The following ADAMTS14 variants were observed in gnomAD, a reference collection of about 807,000 sequenced individuals.
ADAMTS14 encodes A disintegrin and metalloproteinase with thrombospondin motifs 14.
A neutral mutation model predicts 128.6 loss-of-function variants in ADAMTS14; 100 were observed. That is an observed-to-expected ratio of 0.78 (90% CI 0.66 to 0.92). ADAMTS14 has a LOEUF of 0.92. Ranked by LOEUF, ADAMTS14 falls within the 40% of genes least tolerant of loss-of-function variation. ADAMTS14 has a pLI of 0.00. For synonymous variants in ADAMTS14, 665 were observed against 653.8 expected (o/e 1.02, Z -0.26); for missense variants, 1,562 against 1,658.6 (o/e 0.94, Z 1.01).
chr10:70,748,647 A>T (rs1222150088), intron 15 of ADAMTS14, among the ~76,000 whole-genome samples: 2 of 152,180 alleles, frequency 1.3e-5, no homozygotes, highest in African/African-American at 4.8e-5. Flanking sequence ...CCAATTCCCC[A>T]TCTGTATTAA....
chr10:70,724,564 A>G (rs1210350929), intron 4 of ADAMTS14, among the ~76,000 whole-genome samples: 1 of 152,200 alleles, frequency 6.6e-6, no homozygotes, highest in Non-Finnish European at 1.5e-5. Context: ...GGTCCTGGCC[A>G]TGGTGCCATG....
chr10:70,731,551 GC>G (rs1333189137), intron 6 of ADAMTS14, among the ~76,000 whole-genome samples: 1 of 152,226 alleles, frequency 6.6e-6, no homozygotes, highest in Non-Finnish European at 1.5e-5. Context: ...GCTGGTGCCG[GC>G]CCCCCTGCAC....
At chr10:70,708,547 C>T (rs1292013806) in intron 3 of ADAMTS14, 41 bp from the exon 4 acceptor site, 17 of 1,554,258 alleles carry the variant, frequency 1.1e-5, no homozygotes, top group South Asian at 7.1e-5. Context: ...GACAGCCCCT[C>T]CTGTGGGTTG....
At chr10:70,746,149 A>G (rs914829295) in intron 15 of ADAMTS14, among the ~76,000 whole-genome samples, 4 of 152,176 alleles carry the variant, frequency 2.6e-5, no homozygotes, top group Admixed American at 2.0e-4. Flanking sequence ...AGGCCCTTAC[A>G]TTATTCTCAT....
Position 70,758,257 on chromosome 10 carries a change from C to T in ADAMTS14, c.3150C>T (p.Pro1050=). 1 of 1,614,218 alleles carries T rather than the reference C, an allele frequency of 6.2e-7. No homozygotes were observed. The highest frequency in any genetic ancestry group is 2.2e-5 in the East Asian group (1 of 44,882). Residue 1050 remains proline, a synonymous_variant, in exon 21 of 22, where the codon CCC becomes CCT. Transcript: ENST00000373207. The stretch of plus-strand genomic sequence containing the variant: ...GGCAGTGGGTGCCACAATCTGAACC[C>T]CTACATCCCATTAACAAGATATCAT... ...PEGQWVPQSE[P]LHPINKISST...
intron 4 of ADAMTS14, among the ~76,000 whole-genome samples, chr10:70,715,319 C>T (rs1219701504): frequency 1.3e-5 from 2 of 152,130 alleles, no homozygotes; most frequent in Admixed American, 1.3e-4. Flanking sequence ...GAACAGGACC[C>T]CAGGAGAGGG....
chr10:70,708,239 G>A (rs1051339447), intron 3 of ADAMTS14, among the ~76,000 whole-genome samples: 1 of 152,084 alleles, frequency 6.6e-6, no homozygotes, highest in Admixed American at 6.6e-5. Flanking sequence ...ATAAAGGGTG[G>A]TTCATCTTCA....
intron 3 of ADAMTS14, among the ~76,000 whole-genome samples, chr10:70,703,113 C>T (rs1840546320): frequency 6.6e-6 from 1 of 152,206 alleles, no homozygotes; most frequent in African/African-American, 2.4e-5. Flanking sequence ...GCTCTCCTTA[C>T]AGTATTATTA....
rs1842350118 is a variant in ADAMTS14 at position 70,751,522 on chromosome 10, C to T, written c.2472C>T (p.Tyr824=). 6.2e-7 allele frequency: 1 copy of T among 1,613,034 alleles called. No individual in the cohort carries two copies. Among genetic ancestry groups the T allele is most frequent in the Non-Finnish European group, 8.5e-7 (1 of 1,179,096 alleles). ...TEGGPRSSLA[Y]KYVIHEDLLP... ...GTGGCCCCCGCAGCAGCCTGGCCTA[C>T]AAGTACGTCATCCATGAGGACCTGC... is the stretch of plus-strand genomic sequence containing the variant. The change falls in exon 17 of 22, where the codon TAC becomes TAT. Residue 824 remains tyrosine (Y), a synonymous_variant. Transcript: ENST00000373207.
rs1030815849 is a variant in ADAMTS14, at chr10:70,758,019, G to A, written c.2995G>A (p.Ala999Thr). Residue 999 changes from alanine to threonine, a missense_variant, in exon 20 of 22, where the codon GCC becomes ACC. Transcript: ENST00000373207. ...QQRQVVCRTN[A>T]NSLGHCEGDR... is the part of the protein sequence containing the mutation. ...GCGGCAGGTGGTGTGCAGGACCAACGCCAACAGCCTCGGGCATTGCGAGGG... is the reference window on the plus strand; with the variant it reads ...GCGGCAGGTGGTGTGCAGGACCAACACCAACAGCCTCGGGCATTGCGAGGG... 12 of 1,613,530 alleles carry A rather than the reference G, an allele frequency of 7.4e-6. No individual in the cohort carries two copies. Among genetic ancestry groups the A allele is most frequent in the African/African-American group, 1.3e-5 (1 of 75,050 alleles).
Position 70,672,771 on chromosome 10 carries a change from C to T in ADAMTS14, c.-32C>T, listed in dbSNP as rs1324999112. ...CTCAGCCTGGGACTTGGGGATCGGGCGCTTGCCCAGCCCGCGTCCCAGCGC... is the reference window on the plus strand; with the variant it reads ...CTCAGCCTGGGACTTGGGGATCGGGTGCTTGCCCAGCCCGCGTCCCAGCGC... On this transcript the variant is annotated 5_prime_UTR_variant, in exon 1 of 22. Transcript: ENST00000373207. The T allele has an allele frequency of 2.0e-6, 3 of 1,490,624 alleles. No homozygotes were observed. The highest frequency in any genetic ancestry group is 2.9e-5 in the East Asian group (1 of 34,580). 92.3% of individuals were successfully genotyped at this position (1,490,624 alleles called of 1,614,324 possible). A position where few individuals can be genotyped will look rare whatever the true frequency, so the allele number is the denominator to read the frequency against.
chr10:70,716,805 A>G (rs1564535274), intron 4 of ADAMTS14, among the ~76,000 whole-genome samples: 1 of 152,148 alleles, frequency 6.6e-6, no homozygotes, highest in Non-Finnish European at 1.5e-5. Flanking sequence ...AGAAGCCATT[A>G]GTGAAGCACC....
chr10:70,712,830 TG>T (rs1840904296), intron 4 of ADAMTS14, among the ~76,000 whole-genome samples: 1 of 152,144 alleles, frequency 6.6e-6, no homozygotes, highest in Non-Finnish European at 1.5e-5. Flanking sequence ...TCTGATGACT[TG>T]TCCTCCTTAA....
intron 3 of ADAMTS14, among the ~76,000 whole-genome samples, chr10:70,707,728 A>T (rs561054186): frequency 2.6e-4 from 40 of 152,320 alleles, no homozygotes; most frequent in Non-Finnish European, 5.3e-4. Context: ...CAACAATCTG[A>T]TAGAGTTGTT....
rs757964753 is a variant in ADAMTS14, at chr10:70,690,782, G to C, written c.523-11530G>C. Among the ~76,000 whole-genome samples, 8 of 145,078 alleles carry C rather than the reference G, an allele frequency of 5.5e-5. 2 individuals carry two copies. Among genetic ancestry groups the C allele is most frequent in the Non-Finnish European group, 1.3e-4 (8 of 63,412 alleles). On this transcript the variant is annotated intron_variant, in intron 2 of 21. Transcript: ENST00000373207. ...AGCTGGTGTGCGTCTGAGTGGCAGC[G>C]TTCAAACTGCAGGGCCTCCACGCAG...
chr10:70,719,854 G>C (rs1841197081), intron 4 of ADAMTS14, among the ~76,000 whole-genome samples: 1 of 152,204 alleles, frequency 6.6e-6, no homozygotes, highest in Non-Finnish European at 1.5e-5. Context: ...GAGCAGGGTC[G>C]AGCTCCAAGA....
chr10:70,694,336 G>A (rs1463899241), intron 2 of ADAMTS14, among the ~76,000 whole-genome samples: 1 of 152,176 alleles, frequency 6.6e-6, no homozygotes, highest in African/African-American at 2.4e-5. Flanking sequence ...CTCCATGCAT[G>A]CATATTATCT....
At chr10:70,754,167 G>A (rs925066499) in intron 19 of ADAMTS14, among the ~76,000 whole-genome samples, 160 bp downstream of exon 19, 4 of 152,230 alleles carry the variant, frequency 2.6e-5, no homozygotes, top group African/African-American at 9.6e-5. Flanking sequence ...ACCCTGGGCC[G>A]TGGCTCTGTG....
chr10:70,676,258 G>A (rs924054253), intron 2 of ADAMTS14, among the ~76,000 whole-genome samples: 14 of 152,068 alleles, frequency 9.2e-5, no homozygotes, highest in Admixed American at 3.3e-4. Context: ...TTCTGCCTCC[G>A]CATCCCAGGA....
Sources: allele counts gnomAD v4.1 joint callset (sites outside exome capture counted in the v4.1 genomes callset), GRCh38; gene constraint gnomAD v4.1.1; transcripts MANE v1.5; gene names NCBI Gene and HGNC (gene_info 2026-07-23, HGNC 2026-07-21).